SLC45A4: variants seen among roughly 807,000 people sequenced by gnomAD.
SLC45A4 encodes polyamine-transporter SLC45A4.
A neutral mutation model predicts 63.7 loss-of-function variants in SLC45A4; 32 were observed. That is an observed-to-expected ratio of 0.50 (90% CI 0.38 to 0.67). The LOEUF (loss-of-function observed/expected upper bound fraction) is 0.67, where lower values mean the gene tolerates loss of function less well. SLC45A4 is among the 30% of genes least tolerant of loss of function. The pLI, the probability that SLC45A4 is intolerant of heterozygous loss-of-function variation, is 0.00. For missense variants in SLC45A4, 1,027 were observed against 1,157.7 expected (o/e 0.89, Z 1.64); for synonymous variants, 535 against 510.0 (o/e 1.05, Z -0.66).
chr8:141,295,690 C>T (rs561925763), intron 1 of SLC45A4, among the ~76,000 whole-genome samples: 5 of 152,318 alleles, frequency 3.3e-5, no homozygotes, highest in African/African-American at 1.2e-4. Context: ...TGAGGCCCCT[C>T]GATTGACCAC....
chr8:141,239,527 C>A lies in SLC45A4; in HGVS notation c.241+14462G>T, dbSNP rs190309252. Among the ~76,000 whole-genome samples, 12 of 152,194 alleles carry A rather than the reference C, an allele frequency of 7.9e-5. No homozygotes were observed. In the East Asian group the frequency reaches 1.4e-3, roughly 17 times the overall value. ...AGGAAAGTAACCAACTGCTTAGTCA[C>A]CTGCTTAGCAAAGTAAGTGCTTACT... On this transcript the variant is annotated intron_variant, in intron 2 of 8. Coordinates refer to ENST00000517878, the MANE Select transcript of SLC45A4 (RefSeq NM_001286646.2).
intron 1 of SLC45A4, among the ~76,000 whole-genome samples, chr8:141,302,507 T>C (rs1830780205): frequency 6.6e-6 from 1 of 152,110 alleles, no homozygotes; most frequent in Non-Finnish European, 1.5e-5. Flanking sequence ...CTAATTTTTG[T>C]ATTTTTAGTA....
At chr8:141,262,181 T>C (rs1829065051) in intron 1 of SLC45A4, among the ~76,000 whole-genome samples, 3 of 150,734 alleles carry the variant, frequency 2.0e-5, no homozygotes, top group African/African-American at 7.4e-5. Context: ...AAGCTGAAAC[T>C]GGATCCCTTC....
chr8:141,214,825 G>C (rs1438419035), intron 7 of SLC45A4, among the ~76,000 whole-genome samples: 1 of 152,190 alleles, frequency 6.6e-6, no homozygotes, highest in East Asian at 1.9e-4. Context: ...GGGGAGCAGT[G>C]CTGGGTCATG....
intron 2 of SLC45A4, among the ~76,000 whole-genome samples, chr8:141,237,638 G>A (rs1442880019): frequency 6.6e-6 from 1 of 152,052 alleles, no homozygotes; most frequent in East Asian, 1.9e-4. Flanking sequence ...TCACCCCAAA[G>A]CCACACGGTG....
chr8:141,269,978 A>G (rs74942161), intron 1 of SLC45A4, among the ~76,000 whole-genome samples: 3,016 of 152,086 alleles, frequency 0.02, 98 homozygotes, highest in African/African-American at 0.069. Flanking sequence ...TCCTCTGCTG[A>G]CCATATGGGG....
At chr8:141,234,536 C>T (rs991593327) in intron 2 of SLC45A4, among the ~76,000 whole-genome samples, 4 of 152,242 alleles carry the variant, frequency 2.6e-5, no homozygotes, top group South Asian at 2.1e-4. Context: ...CGCAGGTGGC[C>T]TGGCTTCCCC....
chr8:141,217,303 G>A, intron 5 of SLC45A4, 114 bp from the exon 6 acceptor site: 1 of 1,112,054 alleles, frequency 9.0e-7, no homozygotes, highest in Non-Finnish European at 1.3e-6. Flanking sequence ...GCGGTGACAG[G>A]AAAGTCCCAT....
At chr8:141,216,540 C>T (rs1002843523) in intron 6 of SLC45A4, among the ~76,000 whole-genome samples, 12 of 152,224 alleles carry the variant, frequency 7.9e-5, no homozygotes, top group South Asian at 2.1e-4. Flanking sequence ...GCATTTACTT[C>T]GGCCATCCTC....
At chr8:141,266,498 A>G (rs1829273957) in intron 1 of SLC45A4, among the ~76,000 whole-genome samples, 1 of 152,186 alleles carries the variant, frequency 6.6e-6, no homozygotes, top group Non-Finnish European at 1.5e-5. Context: ...GCCTCTCCAG[A>G]TGGCCACGGA....
intron 2 of SLC45A4, among the ~76,000 whole-genome samples, chr8:141,223,949 ACT>A (rs1015601169): frequency 1.3e-5 from 2 of 150,198 alleles, no homozygotes; most frequent in African/African-American, 4.9e-5. Context: ...CTTTCTGAAA[ACT>A]CTGACTTTTC....
At chr8:141,283,346 A>G (rs1830026865) in intron 1 of SLC45A4, among the ~76,000 whole-genome samples, 1 of 152,138 alleles carries the variant, frequency 6.6e-6, no homozygotes, top group Non-Finnish European at 1.5e-5. Flanking sequence ...CTGGCCTCCT[A>G]GCAGGCCCAA....
intron 2 of SLC45A4, among the ~76,000 whole-genome samples, chr8:141,249,949 C>T: frequency 6.6e-6 from 1 of 152,216 alleles, no homozygotes; most frequent in East Asian, 1.9e-4. Flanking sequence ...CTGCTGAACA[C>T]AGACCAGGGC....
rs146091485 is a variant in SLC45A4, at chr8:141,230,370, C to T, written c.242-8605G>A. 1.2e-4 allele frequency: 40 copies of T among 338,656 alleles called. No homozygotes were observed. In the East Asian group the frequency reaches 2.1e-3, roughly 18 times the overall value. 21.0% of individuals were successfully genotyped at this position (338,656 alleles called of 1,614,324 possible). A position where few individuals can be genotyped will look rare whatever the true frequency, so the allele number is the denominator to read the frequency against. ...TCAGGACAGAAGGCAGAGAGGGAAG[C>T]GGCCGCAAAGACCCATGGGTGCCGA... On this transcript the variant is annotated intron_variant, in intron 2 of 8. Coordinates refer to ENST00000517878, the MANE Select transcript of SLC45A4 (RefSeq NM_001286646.2).
In SLC45A4 at chr8:141,307,202, A is replaced by C. The variant is rs553562958; in HGVS notation, c.-401+894T>G. On this transcript the variant is annotated intron_variant, in intron 1 of 8. Coordinates refer to ENST00000517878, the MANE Select transcript of SLC45A4 (RefSeq NM_001286646.2). The stretch of plus-strand genomic sequence containing the variant: ...AAAAGCCGCTGCTGGAAGTGCTCCA[A>C]TCCAGAGCAGGATACCTGGGGGAGG... Among the ~76,000 whole-genome samples, 39 of 152,316 alleles carry C rather than the reference A, an allele frequency of 2.6e-4. No homozygotes were observed. The East Asian group carries it at 7.3e-3, about 29-fold the overall frequency.
intron 1 of SLC45A4, among the ~76,000 whole-genome samples, chr8:141,293,919 C>G (rs1486510479): frequency 2.7e-5 from 4 of 145,710 alleles, no homozygotes; most frequent in Non-Finnish European, 4.5e-5. Flanking sequence ...GGCAACAGAG[C>G]GAGACTCTAT....
chr8:141,297,935 CAA>C (rs5895660), intron 1 of SLC45A4, among the ~76,000 whole-genome samples: 117 of 147,918 alleles, frequency 7.9e-4, no homozygotes, highest in African/African-American at 2.7e-3. Context: ...CCCAAAATTG[CAA>C]AAAAAAAAAC....
intron 2 of SLC45A4, among the ~76,000 whole-genome samples, chr8:141,249,586 C>T (rs1053712616): frequency 6.6e-6 from 1 of 152,138 alleles, no homozygotes; most frequent in Non-Finnish European, 1.5e-5. Context: ...CATTTGGGAG[C>T]ACTGGGGTGA....
rs753111583 is a variant in SLC45A4 at position 141,212,154 on chromosome 8, A to G, written c.2301+43T>C. 51 of 535,108 alleles carry G rather than the reference A, an allele frequency of 9.5e-5. No homozygotes were observed. The African/African-American group carries it at 1.6e-3, about 17-fold the overall frequency. The allele number at this position is 535,108 out of a possible 1,614,324, so 33.1% of individuals were successfully genotyped here. On this transcript the variant is annotated intron_variant, in intron 8 of 8. Coordinates refer to ENST00000517878, the MANE Select transcript of SLC45A4 (RefSeq NM_001286646.2). Reference sequence around the variant, plus strand: ...GGCCCCGCCGCCCGCCCGCCCGCCCACCCGCCCACTGGAATGTGTGTAAAC... The same window carrying G: ...GGCCCCGCCGCCCGCCCGCCCGCCCGCCCGCCCACTGGAATGTGTGTAAAC...
Sources: gnomAD v4.1 joint callset for allele counts (sites outside exome capture counted in the v4.1 genomes callset) on GRCh38, gnomAD v4.1.1 for gene constraint, MANE v1.5 for transcripts, NCBI Gene and HGNC (gene_info 2026-07-23, HGNC 2026-07-21) for gene names.